RBMS2: variants seen among roughly 807,000 people sequenced by gnomAD.
RBMS2 encodes the protein RNA-binding motif, single-stranded-interacting protein 2.
A neutral mutation model predicts 58.4 loss-of-function variants in RBMS2; 38 were observed. The observed-to-expected ratio is 0.65, with a 90% confidence interval of 0.50 to 0.85. The LOEUF (loss-of-function observed/expected upper bound fraction) is 0.85, where lower values mean the gene tolerates loss of function less well. Ranked by LOEUF, RBMS2 falls within the 40% of genes least tolerant of loss-of-function variation. RBMS2 has a pLI of 0.00. For missense variants in RBMS2, 367 were observed against 503.7 expected (o/e 0.73, Z 2.60); for synonymous variants, 151 against 180.7 (o/e 0.84, Z 1.32).
chr12:56,532,660 A>G (rs778448620), intron 1 of RBMS2, among the ~76,000 whole-genome samples: 1 of 152,178 alleles, frequency 6.6e-6, no homozygotes, highest in African/African-American at 2.4e-5. Flanking sequence ...TCTATTCAAG[A>G]ATCATATATA....
intron 9 of RBMS2, among the ~76,000 whole-genome samples, chr12:56,585,264 T>A (rs1050142604): frequency 6.6e-6 from 1 of 152,262 alleles, no homozygotes; most frequent in Non-Finnish European, 1.5e-5. Flanking sequence ...TAGGAGTCTG[T>A]TTTCTTTCAG....
intron 1 of RBMS2, among the ~76,000 whole-genome samples, chr12:56,527,643 A>G (rs1245614648): frequency 1.3e-5 from 2 of 151,676 alleles, no homozygotes; most frequent in Non-Finnish European, 2.9e-5. Flanking sequence ...AAAAACAAAA[A>G]CAAAAAAAAA....
intron 13 of RBMS2, 48 bp from the exon 14 acceptor site, chr12:56,589,092 A>T (rs751902193): frequency 1.4e-4 from 223 of 1,607,932 alleles, no homozygotes; most frequent in Non-Finnish European, 1.6e-4. Flanking sequence ...GAAGTCAGAC[A>T]GGTTCTCATG....
intron 2 of RBMS2, among the ~76,000 whole-genome samples, chr12:56,567,089 A>G (rs530318262): frequency 1.3e-5 from 2 of 152,260 alleles, no homozygotes; most frequent in South Asian, 4.2e-4. Flanking sequence ...TTACTGGACA[A>G]AAATCTATAA....
At chr12:56,521,312 C>T (rs1438684512), upstream of RBMS2, among the ~76,000 whole-genome samples, 1 of 151,712 alleles carries the variant, frequency 6.6e-6, no homozygotes, top group South Asian at 2.1e-4. Context: ...CACCTGTAAT[C>T]CCAGCTACTC....
At chr12:56,558,204 C>T (rs56157018) in intron 1 of RBMS2, among the ~76,000 whole-genome samples, 3 of 145,324 alleles carry the variant, frequency 2.1e-5, no homozygotes, top group Non-Finnish European at 4.5e-5. Context: ...CGCACCACCA[C>T]GCCCAGCTAA....
chr12:56,551,426 G>T (rs368020803), intron 1 of RBMS2, among the ~76,000 whole-genome samples: 1 of 152,146 alleles, frequency 6.6e-6, no homozygotes, highest in Non-Finnish European at 1.5e-5. Flanking sequence ...TAGAAGTAAG[G>T]GATGGTAGCA....
At chr12:56,539,716 C>G (rs547903075) in intron 1 of RBMS2, 39 of 450,836 alleles carry the variant, frequency 8.7e-5, no homozygotes, top group Non-Finnish European at 1.5e-4. Flanking sequence ...GTTGCCCAGA[C>G]TGGAGTGCAA....
chr12:56,525,156 A>G (rs1480338503), intron 1 of RBMS2, among the ~76,000 whole-genome samples: 3 of 152,156 alleles, frequency 2.0e-5, no homozygotes, highest in African/African-American at 7.2e-5. Flanking sequence ...TGTTTTGGAA[A>G]GGGTTGTAGA....
intron 1 of RBMS2, among the ~76,000 whole-genome samples, chr12:56,531,833 AG>A (rs1456683543): frequency 6.6e-6 from 1 of 151,422 alleles, no homozygotes; most frequent in Non-Finnish European, 1.5e-5. Flanking sequence ...AAAAAAAAAA[AG>A]TACTGATATA....
intron 1 of RBMS2, among the ~76,000 whole-genome samples, chr12:56,560,815 T>C (rs1880256935): frequency 6.6e-6 from 1 of 152,176 alleles, no homozygotes; most frequent in Non-Finnish European, 1.5e-5. Flanking sequence ...GTTATACAGG[T>C]AATCTTGTGT....
At chr12:56,537,047 A>G (rs1875031800) in intron 1 of RBMS2, among the ~76,000 whole-genome samples, 1 of 151,614 alleles carries the variant, frequency 6.6e-6, no homozygotes, top group Admixed American at 6.6e-5. Flanking sequence ...CAGCCTCCCA[A>G]GTAGCTGGGA....
intron 5 of RBMS2, among the ~76,000 whole-genome samples, chr12:56,579,838 G>A (rs1883667976): frequency 6.6e-6 from 1 of 150,656 alleles, no homozygotes; most frequent in South Asian, 2.1e-4. Flanking sequence ...TATCTCCTTT[G>A]ATCTACACAA....
chr12:56,560,257 ATAATTTTTTT>A (rs1880150029), intron 1 of RBMS2, among the ~76,000 whole-genome samples: 1 of 137,986 alleles, frequency 7.2e-6, no homozygotes, highest in African/African-American at 2.7e-5. Context: ...CACAACCTTC[ATAATTTTTTT>A]TTTTTTTGAG....
chr12:56,572,520 T>C (rs1399626911), intron 5 of RBMS2, among the ~76,000 whole-genome samples: 1 of 152,056 alleles, frequency 6.6e-6, no homozygotes, highest in African/African-American at 2.4e-5. Flanking sequence ...AGGGAAGTAC[T>C]CTAGGCTTTG....
intron 2 of RBMS2, among the ~76,000 whole-genome samples, chr12:56,566,743 G>A (rs1379047739): frequency 6.6e-6 from 1 of 152,008 alleles, no homozygotes; most frequent in Admixed American, 6.6e-5. Flanking sequence ...GCTTGAACCC[G>A]GGAGGCGGAG....
At chr12:56,554,487 C>T (rs1158915226) in intron 1 of RBMS2, among the ~76,000 whole-genome samples, 1 of 152,096 alleles carries the variant, frequency 6.6e-6, no homozygotes, top group Non-Finnish European at 1.5e-5. Context: ...AATACAGAAA[C>T]AGAAAACCAA....
Position 56,538,672 on chromosome 12 carries a change from C to CGGG in RBMS2, c.66+16585_66+16586insGGG, listed in dbSNP as rs1565734644. ...AATTTTTGTATTTTTAGTAGAGATACGGTTTCACCATCTTGGCCAGGCTGG... is the reference window on the plus strand; with the variant it reads ...AATTTTTGTATTTTTAGTAGAGATACGGGGGTTTCACCATCTTGGCCAGGCTGG... On this transcript the variant is annotated intron_variant, in intron 1 of 13. Coordinates refer to ENST00000262031, the MANE Select transcript of RBMS2 (RefSeq NM_002898.4). Among the ~76,000 whole-genome samples, 126 of 150,892 alleles carry CGGG rather than the reference C, an allele frequency of 8.4e-4. 2 individuals carry two copies. The highest frequency in any genetic ancestry group is 3.0e-3 in the African/African-American group (124 of 41,058).
chr12:56,586,518 G>A (rs2136592570), intron 9 of RBMS2, among the ~76,000 whole-genome samples: 1 of 151,874 alleles, frequency 6.6e-6, no homozygotes. Flanking sequence ...GTACTCATTG[G>A]CTATTTGTAT....
Sources: gnomAD v4.1 joint callset for allele counts (sites outside exome capture counted in the v4.1 genomes callset) on GRCh38, gnomAD v4.1.1 for gene constraint, MANE v1.5 for transcripts, NCBI Gene and HGNC (gene_info 2026-07-23, HGNC 2026-07-21) for gene names.